RAB33A: variants seen among roughly 807,000 people sequenced by gnomAD.
RAB33A encodes ras-related protein Rab-33A.
RAB33A carries 6 observed loss-of-function variants against 12.0 expected under a neutral mutation model. The observed-to-expected ratio is 0.50, with a 90% confidence interval of 0.27 to 0.99. The LOEUF (loss-of-function observed/expected upper bound fraction) is 0.99, where lower values mean the gene tolerates loss of function less well. Among genes scored for constraint, RAB33A ranks in the 50% least tolerant of loss-of-function variants. The pLI, the probability that RAB33A is intolerant of heterozygous loss-of-function variation, is 0.11. For missense variants in RAB33A, 109 were observed against 192.0 expected (o/e 0.57, Z 2.55); for synonymous variants, 70 against 82.4 (o/e 0.85, Z 0.81).
chrX:130,161,837 C>A, the RAB33A span, among the ~76,000 whole-genome samples: 1 of 111,162 alleles, frequency 9.0e-6, no homozygotes, highest in African/African-American at 3.3e-5. Flanking sequence ...GAACTTCCAA[C>A]CTCAAGTGAT....
chrX:130,171,644 T>A (rs2031607110), upstream of RAB33A: 1 of 144,528 alleles, frequency 6.9e-6, no homozygotes, highest in African/African-American at 3.2e-5. Flanking sequence ...TGAGGCTTCT[T>A]CCCTCGGGTC....
the RAB33A span, among the ~76,000 whole-genome samples, chrX:130,134,475 A>G: frequency 1.8e-5 from 2 of 110,950 alleles, no homozygotes; most frequent in Non-Finnish European, 3.8e-5. Context: ...CATTCGACAA[A>G]TATTTATGGA....
chrX:130,159,762 A>G, the RAB33A span, among the ~76,000 whole-genome samples: 1 of 104,358 alleles, frequency 9.6e-6, no homozygotes, highest in Non-Finnish European at 2.0e-5. Flanking sequence ...TAGATTTAGG[A>G]AAGTTCAGCA....
At chrX:130,133,513 G>C in the RAB33A span, 1 of 1,168,163 alleles carries the variant, frequency 8.6e-7, no homozygotes, top group East Asian at 3.0e-5. Flanking sequence ...GCAAGTTAAA[G>C]ACAAAATATA....
chrX:130,146,116 C>T, the RAB33A span, among the ~76,000 whole-genome samples: 1 of 111,512 alleles, frequency 9.0e-6, no homozygotes, highest in Admixed American at 9.6e-5. Flanking sequence ...CAGTTATCAA[C>T]TATGATATAT....
the RAB33A span, among the ~76,000 whole-genome samples, chrX:130,121,727 G>C: frequency 8.9e-6 from 1 of 112,526 alleles, no homozygotes; most frequent in African/African-American, 3.2e-5. Flanking sequence ...GGAGGGAATT[G>C]CATGTTTGCA....
chrX:130,156,926 A>G, the RAB33A span, among the ~76,000 whole-genome samples: 1 of 111,812 alleles, frequency 8.9e-6, no homozygotes, highest in Non-Finnish European at 1.9e-5. Flanking sequence ...AAGTAAACAC[A>G]GAGAGATGAC....
intron 1 of RAB33A, among the ~76,000 whole-genome samples, chrX:130,181,353 T>C (rs1220305428): frequency 8.9e-6 from 1 of 111,795 alleles, no homozygotes; most frequent in Non-Finnish European, 1.9e-5. Flanking sequence ...TAACTCCAAA[T>C]AAAGGCTATA....
chrX:130,165,484 G>T, the RAB33A span: 1 of 951,881 alleles, frequency 1.1e-6, no homozygotes, highest in African/African-American at 1.9e-5. Context: ...GTAGAGGGCT[G>T]CAAGGCACAG....
At chrX:130,153,636 G>C in the RAB33A span, among the ~76,000 whole-genome samples, 2 of 110,821 alleles carry the variant, frequency 1.8e-5, no homozygotes, top group African/African-American at 6.6e-5. Context: ...CTTAAGGGTG[G>C]GGCCCTAATC....
chrX:130,122,507 C>T, the RAB33A span, among the ~76,000 whole-genome samples: 1 of 112,437 alleles, frequency 8.9e-6, no homozygotes, highest in Non-Finnish European at 1.9e-5. Flanking sequence ...TGTCACTGCA[C>T]TTCAGGGCAC....
At chrX:130,133,502 A>AT in the RAB33A span, 1 of 1,167,977 alleles carries the variant, frequency 8.6e-7, no homozygotes, top group Non-Finnish European at 1.2e-6. Flanking sequence ...AAAAAAAAAA[A>AT]GCAAGTTAAA....
chrX:130,144,494 A>G, the RAB33A span, among the ~76,000 whole-genome samples: 3 of 111,196 alleles, frequency 2.7e-5, 1 homozygote, highest in South Asian at 1.1e-3. Flanking sequence ...GGCACCAAAC[A>G]TGCTTTTTTG....
chrX:130,177,579 G>A (rs2031675667), intron 1 of RAB33A, among the ~76,000 whole-genome samples: 1 of 111,579 alleles, frequency 9.0e-6, no homozygotes, highest in Admixed American at 9.5e-5. Flanking sequence ...TGAAAGAAGG[G>A]AGAGTGTATA....
chrX:130,132,119 G>A, the RAB33A span, among the ~76,000 whole-genome samples: 3 of 111,418 alleles, frequency 2.7e-5, no homozygotes, highest in Non-Finnish European at 5.7e-5. Context: ...TAATCTGCCC[G>A]CCTTGGCCTC....
At chrX:130,178,131 G>A (rs896436857) in intron 1 of RAB33A, among the ~76,000 whole-genome samples, 4 of 111,144 alleles carry the variant, frequency 3.6e-5, no homozygotes, top group African/African-American at 1.3e-4. Flanking sequence ...GCAACATAAG[G>A]AGGACCCCAT....
In RAB33A at chrX:130,184,389, G is replaced by A. The variant is rs777290192; in HGVS notation, c.363G>A (p.Lys121=). ...TGGTCTTCGTCTATGACGTCACCAA[G>A]ATGACATCTTTCACCAACCTCAAAA... The part of the protein sequence containing the change: ...HAVVFVYDVT[K]MTSFTNLKMW... The change falls in exon 2 of 2, where the codon AAG becomes AAA. Residue 121 remains lysine, a synonymous_variant. Transcript: ENST00000257017. The A allele has an allele frequency of 1.7e-6, 2 of 1,211,730 alleles. No homozygotes were observed. The highest frequency in any genetic ancestry group is 1.1e-6 in the Non-Finnish European group (1 of 895,289).
chrX:130,125,736 T>C, the RAB33A span, among the ~76,000 whole-genome samples: 2 of 111,681 alleles, frequency 1.8e-5, no homozygotes, highest in African/African-American at 3.3e-5. Context: ...AGTAGGTCAC[T>C]GTGGAGTCCC....
chrX:130,126,030 C>T, the RAB33A span, among the ~76,000 whole-genome samples: 9 of 112,394 alleles, frequency 8.0e-5, no homozygotes, highest in Non-Finnish European at 1.3e-4. Context: ...CCAAGGAAAG[C>T]GAGGTTGAAG....
Sources: gnomAD v4.1 joint callset for allele counts (sites outside exome capture counted in the v4.1 genomes callset) on GRCh38, gnomAD v4.1.1 for gene constraint, MANE v1.5 for transcripts, NCBI Gene and HGNC (gene_info 2026-07-23, HGNC 2026-07-21) for gene names.